SHOC2: variants seen among roughly 807,000 people sequenced by gnomAD.
SHOC2 encodes the protein leucine-rich repeat protein SHOC-2.
In SHOC2, 4 loss-of-function variants were observed where a neutral mutation model predicts 50.2. That is an observed-to-expected ratio of 0.08 (90% confidence interval 0.04 to 0.18). The LOEUF is 0.18. SHOC2 is among the 10% of genes least tolerant of loss of function. The probability of loss-of-function intolerance (pLI) is 1.00; values close to 1 mark genes in which losing one functional copy is unlikely to be tolerated. For synonymous variants in SHOC2, 218 were observed against 244.5 expected, an observed-to-expected ratio of 0.89 and a Z score of 1.01; for missense variants, 388 against 669.6, an observed-to-expected ratio of 0.58 and a Z score of 4.64.
At chr10:110,994,856 TTAG>T (rs1848243037) in intron 3 of SHOC2, among the ~76,000 whole-genome samples, 1 of 152,176 alleles carries the variant, frequency 6.6e-6, no homozygotes, top group Admixed American at 6.5e-5. Flanking sequence ...GTTGGAATTG[TTAG>T]TAGTTCCTTC....
intron 1 of SHOC2, among the ~76,000 whole-genome samples, chr10:110,925,746 C>G (rs747472561): frequency 6.6e-6 from 1 of 152,164 alleles, no homozygotes; most frequent in East Asian, 1.9e-4. Flanking sequence ...TGTGAACCAC[C>G]ACGCCGGACC....
chr10:111,005,009 A>C (rs1848442816), intron 5 of SHOC2, among the ~76,000 whole-genome samples: 1 of 152,304 alleles, frequency 6.6e-6, no homozygotes, highest in South Asian at 2.1e-4. Flanking sequence ...ATCATTGTCC[A>C]GCTCAGTGGC....
intron 1 of SHOC2, among the ~76,000 whole-genome samples, chr10:110,959,401 G>A (rs1042922268): frequency 6.6e-6 from 1 of 152,208 alleles, no homozygotes; most frequent in Non-Finnish European, 1.5e-5. Flanking sequence ...GGTATTTGAA[G>A]GTTGTACAGT....
At chr10:110,928,670 T>C (rs1846825131) in intron 1 of SHOC2, among the ~76,000 whole-genome samples, 1 of 151,408 alleles carries the variant, frequency 6.6e-6, no homozygotes, top group South Asian at 2.1e-4. Flanking sequence ...CTGAGGCAGA[T>C]GGATCGCTTG....
chr10:110,978,054 G>A (rs78416034), intron 2 of SHOC2, among the ~76,000 whole-genome samples: 11 of 152,270 alleles, frequency 7.2e-5, no homozygotes, highest in African/African-American at 2.6e-4. Context: ...GACTAAAATC[G>A]TTTGCCCTAA....
At position 111,013,190 on chromosome 10, in the gene SHOC2, A is replaced by G. The variant is rs1848599714; in HGVS notation, c.*1372A>G. The stretch of plus-strand genomic sequence containing the variant: ...AATACTTAGCAGTATTGTTGGTCTA[A>G]GTCAATTTGATTATTGAGGAGTCTC... On this transcript the variant is annotated 3_prime_UTR_variant, in exon 9 of 9. Coordinates refer to ENST00000369452, the MANE Select transcript of SHOC2 (RefSeq NM_007373.4). 6.6e-6 allele frequency: 1 copy of G among 152,194 alleles called. No homozygotes were observed. The highest frequency in any genetic ancestry group is 2.1e-4 in the South Asian group (1 of 4,830). 9.4% of individuals were successfully genotyped at this position (152,194 alleles called of 1,614,324 possible).
chr10:110,973,479 G>C (rs762511361), intron 2 of SHOC2, among the ~76,000 whole-genome samples: 5 of 152,002 alleles, frequency 3.3e-5, no homozygotes, highest in Middle Eastern at 3.4e-3. Flanking sequence ...CATAGATATT[G>C]ATCTGTAATT....
chr10:110,920,500 T>G (rs1373247201), intron 1 of SHOC2, among the ~76,000 whole-genome samples: 1 of 152,224 alleles, frequency 6.6e-6, no homozygotes, highest in Non-Finnish European at 1.5e-5. Flanking sequence ...TCCAAAGCAT[T>G]AACTTGCCTT....
intron 2 of SHOC2, 47 bp from the exon 3 acceptor site, chr10:110,985,581 T>C (rs908439347): frequency 7.2e-7 from 1 of 1,384,674 alleles, no homozygotes; most frequent in Non-Finnish European, 1.0e-6. Flanking sequence ...TTATCTAGTA[T>C]GTTCTTTAAT....
At position 111,013,023 on chromosome 10, in the gene SHOC2, A is replaced by C. The variant is rs1848595762; in HGVS notation, c.*1205A>C. 1 of 152,612 alleles carries C rather than the reference A, an allele frequency of 6.6e-6. No homozygotes were observed. The highest frequency in any genetic ancestry group is 2.4e-5 in the African/African-American group (1 of 41,460). 9.5% of individuals were successfully genotyped at this position (152,612 alleles called of 1,614,324 possible). A position where few individuals can be genotyped will look rare whatever the true frequency, so the allele number is the denominator to read the frequency against. On this transcript the variant is annotated 3_prime_UTR_variant, in exon 9 of 9. Transcript: ENST00000369452. ...AATTCAGTTCAGTATCATTACTTTTAATCTCATCTTTCCTTTCTTGGTAGT... is the reference window on the plus strand; with the variant it reads ...AATTCAGTTCAGTATCATTACTTTTCATCTCATCTTTCCTTTCTTGGTAGT...
At chr10:110,995,744 C>A (rs1407094811) in intron 3 of SHOC2, among the ~76,000 whole-genome samples, 1 of 152,166 alleles carries the variant, frequency 6.6e-6, no homozygotes, top group African/African-American at 2.4e-5. Flanking sequence ...AACCACCATA[C>A]TCATTTTTTT....
chr10:110,978,121 T>C (rs1004131078), intron 2 of SHOC2, among the ~76,000 whole-genome samples: 4 of 152,252 alleles, frequency 2.6e-5, no homozygotes, highest in Non-Finnish European at 5.9e-5. Flanking sequence ...TTCTGTGACC[T>C]GGAACCTGCC....
chr10:110,994,058 A>G (rs1015753424), intron 3 of SHOC2, among the ~76,000 whole-genome samples: 1 of 152,184 alleles, frequency 6.6e-6, no homozygotes, highest in African/African-American at 2.4e-5. Context: ...ACTTTCTTCC[A>G]TAGGGAAAGC....
At chr10:110,941,589 C>T (rs1847146826) in intron 1 of SHOC2, among the ~76,000 whole-genome samples, 1 of 152,138 alleles carries the variant, frequency 6.6e-6, no homozygotes, top group Non-Finnish European at 1.5e-5. Context: ...GCCTCAGCCT[C>T]CCAAAGTGAG....
In SHOC2 at chr10:111,012,185, A is replaced by G. The variant is rs1026947396; in HGVS notation, c.*367A>G. ...GCAAAAATTTTTGTTGCAACTTTTC[A>G]TATATATTTTCCCCTTACCAATTGT... On this transcript the variant is annotated 3_prime_UTR_variant, in exon 9 of 9. Transcript: ENST00000369452. The G allele has an allele frequency of 1.9e-4, 44 of 228,556 alleles. No homozygotes were observed. Among genetic ancestry groups the G allele is most frequent in the African/African-American group, 9.9e-4 (42 of 42,610 alleles). 14.2% of individuals were successfully genotyped at this position (228,556 alleles called of 1,614,324 possible).
chr10:110,979,853 A>C (rs1408791462), intron 2 of SHOC2, among the ~76,000 whole-genome samples: 1 of 148,670 alleles, frequency 6.7e-6, no homozygotes, highest in Non-Finnish European at 1.5e-5. Flanking sequence ...TTCTCTATCA[A>C]CCCAAGCTCA....
At chr10:110,966,636 C>A (rs1398506737) in intron 2 of SHOC2, among the ~76,000 whole-genome samples, 2 of 152,050 alleles carry the variant, frequency 1.3e-5, no homozygotes, top group East Asian at 3.8e-4. Flanking sequence ...CATATATGTT[C>A]TTGAGCATAT....
At position 111,011,768 on chromosome 10, in the gene SHOC2, T is replaced by C; in HGVS notation, c.1699T>C (p.Phe567Leu). ...PPQIVAGGPS[F>L]IIQFLKMQGP... ...TCAGATTGTTGCTGGGGGGCCTTCT[T>C]TCATCATTCAGTTCTTAAAGATGCA... Residue 567 changes from phenylalanine (F) to leucine (L), a missense_variant, in exon 9 of 9, where the codon TTC becomes CTC. Around this residue, in one of 5 missense-constraint regions of SHOC2, gnomAD observed 130 missense variants for 208.6 expected, o/e 0.62. Transcript: ENST00000369452. 1 of 1,613,990 alleles carries C rather than the reference T, an allele frequency of 6.2e-7. No homozygotes were observed. The highest frequency in any genetic ancestry group is 1.1e-5 in the South Asian group (1 of 91,082).
At chr10:110,942,830 A>T (rs1355903982) in intron 1 of SHOC2, among the ~76,000 whole-genome samples, 1 of 152,190 alleles carries the variant, frequency 6.6e-6, no homozygotes, top group Non-Finnish European at 1.5e-5. Flanking sequence ...TGGATATAGA[A>T]TTCTTGTTAG....
Sources: gnomAD v4.1 joint callset for allele counts (sites outside exome capture counted in the v4.1 genomes callset) on GRCh38, gnomAD v4.1.1 for gene constraint, gnomAD v4.1.1 regional missense constraint, MANE v1.5 for transcripts, NCBI Gene and HGNC (gene_info 2026-07-23, HGNC 2026-07-21) for gene names.